Variants in LPAR3 observed in about 807,000 individuals in gnomAD.
LPAR3 encodes lysophosphatidic acid receptor 3.
Under a neutral mutation model 17.8 loss-of-function variants are expected in LPAR3, and 7 were observed. That is an observed-to-expected ratio of 0.39 (90% CI 0.22 to 0.74). The LOEUF (loss-of-function observed/expected upper bound fraction) is 0.74. Among genes scored for constraint, LPAR3 ranks in the 30% least tolerant of loss-of-function variants. LPAR3 has a pLI of 0.40. For missense variants in LPAR3, 391 were observed against 453.4 expected, an observed-to-expected ratio of 0.86 and a Z score of 1.25; for synonymous variants, 179 against 179.9, an observed-to-expected ratio of 0.99 and a Z score of 0.04.
chr1:84,875,530 C>T (rs1660240852), intron 1 of LPAR3, among the ~76,000 whole-genome samples: 1 of 152,160 alleles, frequency 6.6e-6, no homozygotes, highest in African/African-American at 2.4e-5. Context: ...GCATGCTCGC[C>T]TCTCCCTTCC....
intron 2 of LPAR3, among the ~76,000 whole-genome samples, chr1:84,815,107 T>C (rs189289732): frequency 6.6e-6 from 1 of 152,284 alleles, no homozygotes; most frequent in Non-Finnish European, 1.5e-5. Flanking sequence ...GACCACACTA[T>C]GACATTGGCA....
At chr1:84,842,240 T>C (rs1158096593) in intron 2 of LPAR3, among the ~76,000 whole-genome samples, 1 of 152,214 alleles carries the variant, frequency 6.6e-6, no homozygotes, top group Non-Finnish European at 1.5e-5. Context: ...AGTTAATACA[T>C]TGAATGGACT....
At chr1:84,871,690 T>C (rs1001156928) in intron 1 of LPAR3, among the ~76,000 whole-genome samples, 2 of 152,182 alleles carry the variant, frequency 1.3e-5, no homozygotes, top group African/African-American at 4.8e-5. Flanking sequence ...TTTTAATAAT[T>C]CATGTTAATG....
chr1:84,819,306 C>A (rs1049831300), intron 2 of LPAR3, among the ~76,000 whole-genome samples: 1 of 152,182 alleles, frequency 6.6e-6, no homozygotes, highest in South Asian at 2.1e-4. Flanking sequence ...ATCACTGGAG[C>A]TGGGTGGGGC....
chr1:84,870,848 A>G (rs1660145676), intron 1 of LPAR3, among the ~76,000 whole-genome samples: 1 of 152,182 alleles, frequency 6.6e-6, no homozygotes, highest in African/African-American at 2.4e-5. Context: ...GGCATGTGAA[A>G]CGCCAGACAG....
chr1:84,814,264 G>A (rs1191924441), intron 2 of LPAR3, 93 bp from the exon 3 acceptor site: 2 of 1,017,694 alleles, frequency 2.0e-6, no homozygotes, highest in Admixed American at 4.8e-5. Context: ...GTGGCATCAA[G>A]GGGCCCTCAT....
At chr1:84,821,079 G>A (rs1659042952) in intron 2 of LPAR3, among the ~76,000 whole-genome samples, 1 of 150,602 alleles carries the variant, frequency 6.6e-6, no homozygotes, top group Non-Finnish European at 1.5e-5. Flanking sequence ...CTTACTGTGG[G>A]TACTGCTTTT....
At chr1:84,840,829 A>G (rs1487895143) in intron 2 of LPAR3, among the ~76,000 whole-genome samples, 1 of 152,260 alleles carries the variant, frequency 6.6e-6, no homozygotes, top group East Asian at 1.9e-4. Flanking sequence ...TTGTGCCAGG[A>G]TTTTGTAGTG....
chr1:84,832,328 C>T (rs1006918153), intron 2 of LPAR3, among the ~76,000 whole-genome samples: 5 of 152,096 alleles, frequency 3.3e-5, no homozygotes, highest in South Asian at 2.1e-4. Context: ...TAATAAGTGT[C>T]GGGAAGTCAA....
At position 84,885,034 on chromosome 1, in the gene LPAR3, C is replaced by CATT. The variant is rs1660432143; in HGVS notation, c.-19+7979_-19+7981dup. ...AGATGCAAAATTCCCCCAGGAAACT[C>CATT]ATTATCTAGAGCAGCCAGGGCCAAT... On this transcript the variant is annotated intron_variant, in intron 1 of 2. Transcript: ENST00000370611. Among the ~76,000 whole-genome samples the CATT allele has an allele frequency of 3.9e-5, 6 of 152,300 alleles. 1 individual carries two copies. The South Asian group carries it at 1.2e-3, about 32-fold the overall frequency.
At chr1:84,839,213 T>C (rs1405274403) in intron 2 of LPAR3, among the ~76,000 whole-genome samples, 1 of 152,238 alleles carries the variant, frequency 6.6e-6, no homozygotes. Context: ...ATGCATCTTC[T>C]ATGTGCTCCC....
intron 2 of LPAR3, among the ~76,000 whole-genome samples, chr1:84,851,469 T>A (rs1659711128): frequency 6.6e-6 from 1 of 152,210 alleles, no homozygotes; most frequent in African/African-American, 2.4e-5. Context: ...CACAGTCCTG[T>A]CCCTGAGAAG....
At chr1:84,819,624 G>A (rs989544820) in intron 2 of LPAR3, among the ~76,000 whole-genome samples, 2 of 152,152 alleles carry the variant, frequency 1.3e-5, no homozygotes, top group Admixed American at 1.3e-4. Flanking sequence ...TTTTTCAAAT[G>A]AGAAAATAAG....
intron 1 of LPAR3, among the ~76,000 whole-genome samples, chr1:84,875,197 G>A (rs922063741): frequency 7.9e-5 from 12 of 152,298 alleles, no homozygotes; most frequent in African/African-American, 2.9e-4. Flanking sequence ...ATCATGCTTG[G>A]CCGAGAATGT....
At chr1:84,883,413 A>C (rs896201914) in intron 1 of LPAR3, among the ~76,000 whole-genome samples, 2 of 152,216 alleles carry the variant, frequency 1.3e-5, no homozygotes, top group African/African-American at 4.8e-5. Flanking sequence ...TTAGTCCCAG[A>C]GTCCCAGATG....
intron 1 of LPAR3, among the ~76,000 whole-genome samples, chr1:84,884,705 GC>G (rs1372159419): frequency 6.6e-6 from 1 of 152,130 alleles, no homozygotes; most frequent in East Asian, 1.9e-4. Flanking sequence ...GCTGAAATAG[GC>G]CACAGACCTC....
At chr1:84,889,289 G>A (rs12032140) in intron 1 of LPAR3, among the ~76,000 whole-genome samples, 101,143 of 151,838 alleles carry the variant, frequency 0.67, 34,085 homozygotes, top group East Asian at 0.85. Flanking sequence ...TTAATTTGGG[G>A]GTGGGGGAGC....
chr1:84,813,172 C>G lies in LPAR3; in HGVS notation c.*674G>C, dbSNP rs1163922419. On this transcript the variant is annotated 3_prime_UTR_variant, in exon 3 of 3. Transcript: ENST00000370611. Reference sequence around the variant, plus strand: ...ATATATATATATAGACACACACACACACACACACACACATGCATATACACA... The same window carrying G: ...ATATATATATATAGACACACACACAGACACACACACACATGCATATACACA... The G allele has an allele frequency of 7.5e-6, 1 of 133,566 alleles. No homozygotes were observed. The highest frequency in any genetic ancestry group is 1.6e-5 in the Non-Finnish European group (1 of 61,890). 8.3% of individuals were successfully genotyped at this position (133,566 alleles called of 1,614,324 possible).
rs761209138 is a variant in LPAR3, at chr1:84,865,660, G to A, written c.461C>T (p.Ala154Val). 6.2e-7 allele frequency: 1 copy of A among 1,614,158 alleles called. No individual in the cohort carries two copies. The highest frequency in any genetic ancestry group is 8.5e-7 in the Non-Finnish European group (1 of 1,180,026). The change falls in exon 2 of 3, where the codon GCC becomes GTC. Residue 154 changes from alanine (A) to valine (V), a missense_variant. By Grantham distance (64) the Ala-to-Val change is moderately conservative. Coordinates refer to ENST00000370611, the MANE Select transcript of LPAR3 (RefSeq NM_012152.3). ...RVTLLILLVW[A>V]IAIFMGAVPT... ...GACCGCCCCCATAAAAATGGCGATG[G>A]CCCAGACAAGCAAAATGAGCAGTGT...
Sources: gnomAD v4.1 joint callset for allele counts (sites outside exome capture counted in the v4.1 genomes callset) on GRCh38, gnomAD v4.1.1 for gene constraint, MANE v1.5 for transcripts, NCBI Gene and HGNC (gene_info 2026-07-23, HGNC 2026-07-21) for gene names.